Variants in SCUBE3 observed in about 807,000 individuals in gnomAD.
SCUBE3 encodes signal peptide, CUB and EGF-like domain-containing protein 3.
SCUBE3 carries 33 observed loss-of-function variants against 116.8 expected under a neutral mutation model. That is an observed-to-expected ratio of 0.28 (90% CI 0.21 to 0.38). The LOEUF is 0.38. Ranked by LOEUF, SCUBE3 falls within the 10% of genes least tolerant of loss-of-function variation. The pLI is 1.00. For synonymous variants in SCUBE3, 418 were observed against 496.9 expected (o/e 0.84, Z 2.11); for missense variants, 1,007 against 1,324.8 (o/e 0.76, Z 3.72).
In SCUBE3 at chr6:35,231,803, G is replaced by T; in HGVS notation, c.413G>T (p.Cys138Phe). 1.2e-6 allele frequency: 2 copies of T among 1,613,776 alleles called. No individual in the cohort carries two copies. Among genetic ancestry groups the T allele is most frequent in the Non-Finnish European group, 1.7e-6 (2 of 1,179,772 alleles). The change falls in exon 4 of 22, where the codon TGC (cysteine) becomes TTC (phenylalanine). Residue 138 changes from cysteine to phenylalanine, a missense_variant. Transcript: ENST00000274938. The surrounding 1 kb of genome is among the most constrained non-coding windows in gnomAD (Gnocchi z 4.2). ...VNMMGSYECH[C>F]REGFFLSDNQ... is the part of the protein sequence containing the mutation. ...ATGATGGGCAGCTATGAGTGCCACT[G>T]CCGGGAAGGCTTCTTCCTCAGCGAC...
In SCUBE3 at chr6:35,239,512, A is replaced by G. The variant is rs560121825; in HGVS notation, c.830-240A>G. Among the ~76,000 whole-genome samples, 2 of 152,218 alleles carry G rather than the reference A, an allele frequency of 1.3e-5. No individual in the cohort carries two copies. The highest frequency in any genetic ancestry group is 4.2e-4 in the South Asian group (2 of 4,818). ...ATTTGTCCCCTTATAAGAACACTCA[A>G]TCCCAGAAGAGAGGGTGTTACTAAT... is the stretch of plus-strand genomic sequence containing the variant. On this transcript the variant is annotated intron_variant, in intron 7 of 21. Transcript: ENST00000274938. The surrounding 1 kb of genome is among the most constrained non-coding windows in gnomAD (Gnocchi z 4.1).
In SCUBE3 at chr6:35,219,145, A is replaced by G. The variant is rs562430000; in HGVS notation, c.85+4642A>G. On this transcript the variant is annotated intron_variant, in intron 1 of 21. Coordinates refer to ENST00000274938, the MANE Select transcript of SCUBE3 (RefSeq NM_152753.4). The surrounding 1 kb of genome is among the most constrained non-coding windows in gnomAD (Gnocchi z 4.7). ...TTCTTCCCCCACCCCAGTTTCCTGG[A>G]ACCCCAAGTAGCTGATAGTTCTTAC... is the stretch of plus-strand genomic sequence containing the variant. Among the ~76,000 whole-genome samples the G allele has an allele frequency of 6.6e-6, 1 of 152,262 alleles. No homozygotes were observed. Among genetic ancestry groups the G allele is most frequent in the South Asian group, 2.1e-4 (1 of 4,818 alleles).
rs1407062314 is a variant in SCUBE3 at position 35,232,644 on chromosome 6, T to A, written c.470-206T>A. ...TCAATAGCTAGCTAGTTATACATCATTCAGAACAGCTCTGTGCTCTGCTCA... is the reference window on the plus strand; with the variant it reads ...TCAATAGCTAGCTAGTTATACATCAATCAGAACAGCTCTGTGCTCTGCTCA... On this transcript the variant is annotated intron_variant, in intron 4 of 21. Coordinates refer to ENST00000274938, the MANE Select transcript of SCUBE3 (RefSeq NM_152753.4). The surrounding 1 kb of genome is among the most constrained non-coding windows in gnomAD (Gnocchi z 4.2). 6.6e-6 allele frequency among the ~76,000 whole-genome samples: 1 copy of A among 152,188 alleles called. No individual in the cohort carries two copies. The highest frequency in any genetic ancestry group is 1.5e-5 in the Non-Finnish European group (1 of 68,032).
rs1782789685 is a variant in SCUBE3 at position 35,214,171 on chromosome 6, C to T, written c.-248C>T. On this transcript the variant is annotated 5_prime_UTR_variant, in exon 1 of 22. Coordinates refer to ENST00000274938, the MANE Select transcript of SCUBE3 (RefSeq NM_152753.4). The surrounding 1 kb of genome is among the most constrained non-coding windows in gnomAD (Gnocchi z 6.3). ...GCGGGGGTTCCCCTCCGTCAGTCGC[C>T]CCTGGCGCCCCTCGCCTCGTCGCAC... Among the ~76,000 whole-genome samples the T allele has an allele frequency of 6.6e-6, 1 of 152,272 alleles. No homozygotes were observed. Among genetic ancestry groups the T allele is most frequent in the African/African-American group, 2.4e-5 (1 of 41,564 alleles).
chr6:35,222,093 A>G (rs1344155220), intron 1 of SCUBE3: 2 of 152,306 alleles, frequency 1.3e-5, no homozygotes, highest in South Asian at 2.1e-4. Flanking sequence ...GGGCCCATCA[A>G]ATTTGCCCAC....
In SCUBE3 at chr6:35,242,798, G is replaced by A; in HGVS notation, c.1693+18G>A. On this transcript the variant is annotated intron_variant, in intron 14 of 21. Transcript: ENST00000274938. ...AACCACAGGTGGGACTGGGGGCACT[G>A]TTGGGAAGAGGACTGGAAGGGGAGG... is the stretch of plus-strand genomic sequence containing the variant. 6.2e-7 allele frequency: 1 copy of A among 1,610,278 alleles called. No individual in the cohort carries two copies. The highest frequency in any genetic ancestry group is 8.5e-7 in the Non-Finnish European group (1 of 1,176,900).
chr6:35,228,604 T>C lies in SCUBE3; in HGVS notation c.209-10T>C, dbSNP rs1783417173. The C allele has an allele frequency of 7.4e-6, 12 of 1,613,404 alleles. No homozygotes were observed. The highest frequency in any genetic ancestry group is 2.2e-5 in the East Asian group (1 of 44,866). ...TGGGTTCAGCTGTCTCAGCTTCCCT[T>C]TGCCCACAGACGTGGATGAGTGCGA... is the stretch of plus-strand genomic sequence containing the variant. On this transcript the variant is annotated splice_polypyrimidine_tract_variant and intron_variant, in intron 2 of 21. Transcript: ENST00000274938. The surrounding 1 kb of genome is among the most constrained non-coding windows in gnomAD (Gnocchi z 4.9).
chr6:35,243,515 G>C lies in SCUBE3; in HGVS notation c.1910-79G>C, dbSNP rs1784175655. The C allele has an allele frequency of 7.6e-7, 1 of 1,310,428 alleles. No individual in the cohort carries two copies. The highest frequency in any genetic ancestry group is 2.1e-5 in the Admixed American group (1 of 47,066). 81.2% of individuals were successfully genotyped at this position (1,310,428 alleles called of 1,614,324 possible). ...TCTCCCTGAATCGGGGGTTGTGGCG[G>C]GGAGTGGGAAGGGGAGTCCCAGGCC... is the stretch of plus-strand genomic sequence containing the variant. On this transcript the variant is annotated intron_variant, in intron 15 of 21. Transcript: ENST00000274938. The surrounding 1 kb of genome is among the most constrained non-coding windows in gnomAD (Gnocchi z 6.6).
chr6:35,239,857 A>G lies in SCUBE3; in HGVS notation c.935A>G (p.Asn312Ser). 6.2e-7 allele frequency: 1 copy of G among 1,606,918 alleles called. No homozygotes were observed. The highest frequency in any genetic ancestry group is 8.5e-7 in the Non-Finnish European group (1 of 1,177,894). Reference sequence around the variant, plus strand: ...AAGAAAGGCTATAAGCTTCTCATCAATGAGAGGAACTGCCAGGGTGAGCAG... The same window carrying G: ...AAGAAAGGCTATAAGCTTCTCATCAGTGAGAGGAACTGCCAGGGTGAGCAG... ...SCKKGYKLLI[N>S]ERNCQDIDEC... The change falls in exon 8 of 22, where the codon AAT (asparagine) becomes AGT (serine). Residue 312 changes from asparagine (N) to serine (S), a missense_variant. Asn to Ser is a conservative substitution (Grantham distance 46). This residue lies in a region of SCUBE3 where 214 missense variants were observed against 316.7 expected (regional missense o/e 0.68). Transcript: ENST00000274938. The surrounding 1 kb of genome is among the most constrained non-coding windows in gnomAD (Gnocchi z 4.1).
In SCUBE3 at chr6:35,242,296, G is replaced by A. The variant is rs758938453; in HGVS notation, c.1510G>A (p.Glu504Lys). The change falls in exon 13 of 22, where the codon GAG (glutamate) becomes AAG (lysine). Residue 504 changes from glutamate to lysine, a missense_variant. This residue lies in a region of SCUBE3 where 544 missense variants were observed against 638.9 expected (regional missense o/e 0.85). Coordinates refer to ENST00000274938, the MANE Select transcript of SCUBE3 (RefSeq NM_152753.4). ...LHLRNKGKTE[E>K]AGRITGPGGA... is the part of the protein sequence containing the mutation. ...CCTGCGAAACAAAGGCAAAACAGAG[G>A]AGGCTGGCAGAATCACAGGGCCAGG... 1.2e-6 allele frequency: 2 copies of A among 1,613,684 alleles called. No individual in the cohort carries two copies. Among genetic ancestry groups the A allele is most frequent in the South Asian group, 2.2e-5 (2 of 91,056 alleles).
chr6:35,246,406 AG>A (rs1784340241), intron 21 of SCUBE3, 121 bp downstream of exon 21: 1 of 736,024 alleles, frequency 1.4e-6, no homozygotes. Flanking sequence ...TCTATGAGGT[AG>A]GTGCTTTCTC....
At position 35,241,040 on chromosome 6, in the gene SCUBE3, G is replaced by T. The variant is rs1234602891; in HGVS notation, c.1070-101G>T. The stretch of plus-strand genomic sequence containing the variant: ...AACTTATTCATCTTGCGTAATGCAG[G>T]GTACCTGAAACTCTAACCAAAGGCC... On this transcript the variant is annotated intron_variant, in intron 9 of 21. Transcript: ENST00000274938. This position sits in a 1 kb window ranked among gnomAD's most constrained non-coding sequence, Gnocchi z 4.1. 2 of 1,125,662 alleles carry T rather than the reference G, an allele frequency of 1.8e-6. No homozygotes were observed. Among genetic ancestry groups the T allele is most frequent in the Non-Finnish European group, 2.6e-6 (2 of 779,830 alleles). 69.7% of individuals were successfully genotyped at this position (1,125,662 alleles called of 1,614,324 possible).
intron 21 of SCUBE3, among the ~76,000 whole-genome samples, chr6:35,247,876 G>A (rs181271553): frequency 1.3e-5 from 2 of 152,302 alleles, no homozygotes; most frequent in Admixed American, 1.3e-4. Context: ...GGTCAGGAAA[G>A]GCCTCTAAGG....
chr6:35,226,452 C>T (rs1445597613), intron 1 of SCUBE3, among the ~76,000 whole-genome samples: 10 of 146,746 alleles, frequency 6.8e-5, no homozygotes, highest in Non-Finnish European at 1.5e-4. Flanking sequence ...CATAATATTG[C>T]CTCAGAAGTT....
At chr6:35,237,851 C>A (rs964528869) in intron 6 of SCUBE3, 51 bp from the exon 7 acceptor site, 1 of 1,152,580 alleles carries the variant, frequency 8.7e-7, no homozygotes, top group Admixed American at 1.8e-5. Context: ...GAGTTTGGGA[C>A]TCCTCCAGGC....
intron 3 of SCUBE3, among the ~76,000 whole-genome samples, chr6:35,229,826 T>C (rs549072972): frequency 6.6e-6 from 1 of 152,176 alleles, no homozygotes; most frequent in African/African-American, 2.4e-5. Flanking sequence ...TTCTCCCAAA[T>C]TACTTCACCC....
intron 1 of SCUBE3, chr6:35,223,678 T>C (rs1783200439): frequency 6.6e-6 from 1 of 152,194 alleles, no homozygotes; most frequent in African/African-American, 2.4e-5. Flanking sequence ...TAGCATCAAC[T>C]GGTTTTCCAG....
At chr6:35,246,376 C>A in intron 21 of SCUBE3, 91 bp downstream of exon 21, 1 of 922,952 alleles carries the variant, frequency 1.1e-6, no homozygotes, top group Non-Finnish European at 1.7e-6. Flanking sequence ...TGAATATTCT[C>A]ACTTGATAGA....
chr6:35,214,591 G>A lies in SCUBE3; in HGVS notation c.85+88G>A. On this transcript the variant is annotated intron_variant, in intron 1 of 21. Coordinates refer to ENST00000274938, the MANE Select transcript of SCUBE3 (RefSeq NM_152753.4). The surrounding 1 kb of genome is among the most constrained non-coding windows in gnomAD (Gnocchi z 6.3). ...GCGATTCCCGAGGGGCAGGGCAGGT[G>A]CTGGGGAGCGTGCTGCTGTCAGAAC... 2 of 804,366 alleles carry A rather than the reference G, an allele frequency of 2.5e-6. No individual in the cohort carries two copies. The highest frequency in any genetic ancestry group is 6.4e-5 in the South Asian group (2 of 31,388). 49.8% of individuals were successfully genotyped at this position (804,366 alleles called of 1,614,324 possible).
Sources: allele counts gnomAD v4.1 joint callset (sites outside exome capture counted in the v4.1 genomes callset), GRCh38; gene constraint gnomAD v4.1.1; regional missense constraint gnomAD v4.1.1; non-coding constraint Gnocchi (gnomAD v3.1); transcripts MANE v1.5; gene names NCBI Gene and HGNC (gene_info 2026-07-23, HGNC 2026-07-21).